The following B3GALT1 variants were observed in gnomAD, a reference collection of about 807,000 sequenced individuals.
B3GALT1 encodes beta-1,3-galactosyltransferase 1.
In B3GALT1, 10 loss-of-function variants were observed where a neutral mutation model predicts 23.2. That is an observed-to-expected ratio of 0.43 (90% CI 0.27 to 0.73). The LOEUF is 0.73. Among genes scored for constraint, B3GALT1 ranks in the 30% least tolerant of loss-of-function variants. B3GALT1 has a pLI of 0.21. For missense variants in B3GALT1, 299 were observed against 405.4 expected, an observed-to-expected ratio of 0.74 and a Z score of 2.25; for synonymous variants, 156 against 141.5, an observed-to-expected ratio of 1.10 and a Z score of -0.73.
At chr2:167,790,543 C>T (rs1688420422) in intron 3 of B3GALT1, among the ~76,000 whole-genome samples, 1 of 152,224 alleles carries the variant, frequency 6.6e-6, no homozygotes, top group South Asian at 2.1e-4. Flanking sequence ...CATGCACAAA[C>T]TAACATTCCC....
chr2:167,303,682 C>CACACACACACACACAGAGAG lies in B3GALT1; in HGVS notation c.-511+10349_-511+10350insCACACACACACACAGAGAGA, dbSNP rs535369991. ...ACACACACACACACACACACACACACAGAGAGAGACCTTGTTGCTGCCATT... is the reference window on the plus strand; with the variant it reads ...ACACACACACACACACACACACACACACACACACACACACAGAGAGAGAGAGAGACCTTGTTGCTGCCATT... On this transcript the variant is annotated intron_variant, in intron 1 of 4. Coordinates refer to ENST00000392690, the MANE Select transcript of B3GALT1 (RefSeq NM_020981.4). Among the ~76,000 whole-genome samples the CACACACACACACACAGAGAG allele has an allele frequency of 3.4e-4, 50 of 148,830 alleles. No individual in the cohort carries two copies. The East Asian group carries it at 4.8e-3, about 14-fold the overall frequency.
chr2:167,516,981 G>T (rs111770171), intron 2 of B3GALT1, among the ~76,000 whole-genome samples: 3,704 of 151,080 alleles, frequency 0.025, 150 homozygotes, highest in African/African-American at 0.085. Context: ...TGACACTTAA[G>T]CTTCTTTGTT....
chr2:167,713,872 T>G, intron 3 of B3GALT1: 3 of 1,588,582 alleles, frequency 1.9e-6, no homozygotes, highest in Non-Finnish European at 2.6e-6. Flanking sequence ...GAAAATAACC[T>G]CGTGAAGCTC....
chr2:167,681,663 G>C (rs910704235), intron 3 of B3GALT1, among the ~76,000 whole-genome samples: 1 of 152,206 alleles, frequency 6.6e-6, no homozygotes, highest in African/African-American at 2.4e-5. Context: ...TTTTAAGCCA[G>C]AAAATGCTAC....
At chr2:167,560,158 C>T (rs972533955) in intron 2 of B3GALT1, among the ~76,000 whole-genome samples, 2 of 152,152 alleles carry the variant, frequency 1.3e-5, no homozygotes, top group East Asian at 1.9e-4. Flanking sequence ...ATTCAACATT[C>T]TTGAAGAAAA....
chr2:167,326,964 A>C (rs1696906163), intron 1 of B3GALT1, among the ~76,000 whole-genome samples: 2 of 152,100 alleles, frequency 1.3e-5, no homozygotes, highest in Admixed American at 1.3e-4. Context: ...TGCTGGGGTT[A>C]CAGGCATGAG....
At position 167,868,897 on chromosome 2, in the gene B3GALT1, G is replaced by A. The variant is rs774103535; in HGVS notation, c.-143G>A. 1 of 950,166 alleles carries A rather than the reference G, an allele frequency of 1.1e-6. No individual in the cohort carries two copies. The highest frequency in any genetic ancestry group is 1.6e-6 in the Non-Finnish European group (1 of 642,568). 58.9% of individuals were successfully genotyped at this position (950,166 alleles called of 1,614,324 possible). A position where few individuals can be genotyped will look rare whatever the true frequency, so the allele number is the denominator to read the frequency against. On this transcript the variant is annotated 5_prime_UTR_variant, in exon 5 of 5. An upstream open reading frame in the 5' UTR loses its in-frame stop. Coordinates refer to ENST00000392690, the MANE Select transcript of B3GALT1 (RefSeq NM_020981.4). The stretch of plus-strand genomic sequence containing the variant: ...AGCGCAGAGGTGACAGACAGCCACT[G>A]AGGCCCATGGACAATCTCCACCTCA...
intron 3 of B3GALT1, among the ~76,000 whole-genome samples, chr2:167,783,973 G>A (rs1688294113): frequency 6.6e-6 from 1 of 152,218 alleles, no homozygotes; most frequent in Non-Finnish European, 1.5e-5. Flanking sequence ...AAGGTCTGGG[G>A]AGGAGCCAGC....
intron 1 of B3GALT1, among the ~76,000 whole-genome samples, chr2:167,350,885 C>G (rs1697298497): frequency 6.6e-6 from 1 of 152,240 alleles, no homozygotes; most frequent in African/African-American, 2.4e-5. Flanking sequence ...GCACTGATCT[C>G]TTCCCTGGGT....
At chr2:167,696,462 C>G (rs1686793795) in intron 3 of B3GALT1, among the ~76,000 whole-genome samples, 1 of 152,102 alleles carries the variant, frequency 6.6e-6, no homozygotes, top group Non-Finnish European at 1.5e-5. Context: ...TGCTGACTGT[C>G]TTAACCCTCA....
intron 1 of B3GALT1, among the ~76,000 whole-genome samples, chr2:167,341,872 GA>G (rs1697152135): frequency 1.3e-5 from 2 of 152,072 alleles, no homozygotes; most frequent in South Asian, 4.2e-4. Context: ...AAATTACTTG[GA>G]GTATTCTTTC....
intron 1 of B3GALT1, among the ~76,000 whole-genome samples, chr2:167,338,639 C>A (rs945357734): frequency 4.0e-5 from 6 of 151,882 alleles, no homozygotes; most frequent in African/African-American, 1.2e-4. Context: ...GATTAAAACC[C>A]AAAATGTATA....
At chr2:167,856,921 C>G (rs1331584560) in intron 4 of B3GALT1, among the ~76,000 whole-genome samples, 1 of 152,086 alleles carries the variant, frequency 6.6e-6, no homozygotes, top group Non-Finnish European at 1.5e-5. Flanking sequence ...AATGGAGAGA[C>G]TAAAAACACA....
intron 1 of B3GALT1, among the ~76,000 whole-genome samples, chr2:167,409,791 A>G (rs1217265836): frequency 6.6e-6 from 1 of 151,794 alleles, no homozygotes; most frequent in Non-Finnish European, 1.5e-5. Context: ...ATGCTGGCGA[A>G]GGTGTGGAGA....
At chr2:167,437,904 C>T (rs1698812746) in intron 1 of B3GALT1, among the ~76,000 whole-genome samples, 1 of 152,118 alleles carries the variant, frequency 6.6e-6, no homozygotes, top group Non-Finnish European at 1.5e-5. Flanking sequence ...ATAATGGCCA[C>T]TGGAAAATTA....
At chr2:167,524,734 T>C (rs1199127484) in intron 2 of B3GALT1, among the ~76,000 whole-genome samples, 1 of 152,186 alleles carries the variant, frequency 6.6e-6, no homozygotes, top group Admixed American at 6.5e-5. Context: ...CACCTTTAAC[T>C]AATTTCTTTG....
At chr2:167,649,566 C>T (rs1685822936) in intron 3 of B3GALT1, among the ~76,000 whole-genome samples, 2 of 152,194 alleles carry the variant, frequency 1.3e-5, no homozygotes, top group African/African-American at 4.8e-5. Flanking sequence ...ACCTTTGTGT[C>T]TGGACTCTTT....
intron 4 of B3GALT1, among the ~76,000 whole-genome samples, chr2:167,819,093 A>G (rs944665528): frequency 4.0e-5 from 6 of 151,608 alleles, no homozygotes; most frequent in African/African-American, 1.5e-4. Context: ...AAAAACTCAT[A>G]GCTTAAAAGA....
intron 1 of B3GALT1, among the ~76,000 whole-genome samples, chr2:167,393,352 G>T (rs1216986408): frequency 6.6e-6 from 1 of 150,782 alleles, no homozygotes; most frequent in African/African-American, 2.4e-5. Context: ...CATTAAAGTA[G>T]ATTTGGGCAA....
Sources: allele counts gnomAD v4.1 joint callset (sites outside exome capture counted in the v4.1 genomes callset), GRCh38; gene constraint gnomAD v4.1.1; transcripts MANE v1.5; gene names NCBI Gene and HGNC (gene_info 2026-07-23, HGNC 2026-07-21).